FBH1: variants seen among roughly 807,000 people sequenced by gnomAD.
The protein encoded by FBH1 is F-box DNA helicase 1, also known as DNA 3'-5' helicase 1.
A neutral mutation model predicts 115.5 loss-of-function variants in FBH1; 43 were observed. The observed-to-expected ratio is 0.37, with a 90% CI of 0.29 to 0.48. The LOEUF is 0.48. Among genes scored for constraint, FBH1 ranks in the 20% least tolerant of loss-of-function variants. The probability of loss-of-function intolerance (pLI) is 0.99; values close to 1 mark genes in which losing one functional copy is unlikely to be tolerated. For synonymous variants in FBH1, 524 were observed against 507.8 expected (o/e 1.03, Z -0.43); for missense variants, 1,001 against 1,337.3 (o/e 0.75, Z 3.92).
chr10:5,890,437 G>GC (rs1369513442), intron 1 of FBH1, 91 bp downstream of exon 1: 2 of 346,544 alleles, frequency 5.8e-6, no homozygotes, highest in African/African-American at 4.4e-5. Flanking sequence ...GGGGGTCCGG[G>GC]CCCGGGGTGG....
chr10:5,926,969 A>T (rs1255506870), intron 18 of FBH1, among the ~76,000 whole-genome samples: 2 of 152,202 alleles, frequency 1.3e-5, no homozygotes, highest in East Asian at 1.9e-4. Flanking sequence ...GCTTTTCCAG[A>T]TGGGACTCTG....
At chr10:5,902,079 C>T (rs1228787225) in intron 1 of FBH1, among the ~76,000 whole-genome samples, 1 of 152,042 alleles carries the variant, frequency 6.6e-6, no homozygotes, top group African/African-American at 2.4e-5. Flanking sequence ...TAGTGTTTTG[C>T]TAAGGGAAGA....
In FBH1 at chr10:5,903,078, T is replaced by C; in HGVS notation, c.60T>C (p.Ser20=). 6.2e-7 allele frequency: 1 copy of C among 1,613,642 alleles called. No homozygotes were observed. Among genetic ancestry groups the C allele is most frequent in the Non-Finnish European group, 8.5e-7 (1 of 1,179,828 alleles). ...TAIDCQHLAR[S]HLAVTQPFGQ... is the part of the protein sequence containing the mutation. ...TTGACTGCCAGCATTTGGCTCGGAG[T>C]CACTTGGCTGTGACCCAGCCCTTCG... is the stretch of plus-strand genomic sequence containing the variant. Residue 20 remains serine, a synonymous_variant, in exon 2 of 21, where the codon AGT becomes AGC. Transcript: ENST00000362091.
At chr10:5,916,157 T>G in intron 9 of FBH1, 77 bp from the exon 10 acceptor site, 1 of 1,293,596 alleles carries the variant, frequency 7.7e-7, no homozygotes, top group Non-Finnish European at 1.1e-6. Flanking sequence ...CTGGTGACAT[T>G]AGAGAGAATG....
chr10:5,913,299 G>A lies in FBH1; in HGVS notation c.1212-448G>A, dbSNP rs1449021927. Among the ~76,000 whole-genome samples, 2 of 152,232 alleles carry A rather than the reference G, an allele frequency of 1.3e-5. No homozygotes were observed. Among genetic ancestry groups the A allele is most frequent in the African/African-American group, 4.8e-5 (2 of 41,456 alleles). ...AATGTGTTCATGCGTCTAAAGCAAT[G>A]TCATGTCATAAGAGGTAGACAGTGG... On this transcript the variant is annotated intron_variant, in intron 6 of 20. Transcript: ENST00000362091. The surrounding 1 kb of genome is among the most constrained non-coding windows in gnomAD (Gnocchi z 4.4).
At chr10:5,893,821 A>G (rs943875047) in intron 1 of FBH1, among the ~76,000 whole-genome samples, 6 of 152,250 alleles carry the variant, frequency 3.9e-5, no homozygotes, top group African/African-American at 9.6e-5. Context: ...CAAAGCTCTC[A>G]TGGAGTTTAA....
At position 5,895,057 on chromosome 10, in the gene FBH1, C is replaced by T; in HGVS notation, c.1+4711C>T. On this transcript the variant is annotated intron_variant, in intron 1 of 20. Transcript: ENST00000362091. This position sits in a 1 kb window ranked among gnomAD's most constrained non-coding sequence, Gnocchi z 5.0. ...AATTGGGCCATTCCCGTTTCACAGG[C>T]TGCCATTGGACCTGTCAAGTGCCTG... 2 of 1,609,776 alleles carry T rather than the reference C, an allele frequency of 1.2e-6. No individual in the cohort carries two copies. Among genetic ancestry groups the T allele is most frequent in the Non-Finnish European group, 1.7e-6 (2 of 1,177,304 alleles).
chr10:5,937,222 G>T lies in FBH1; in HGVS notation c.3074G>T (p.Arg1025Leu). Reference sequence around the variant, plus strand: ...CCGGAGCAGGTGCGCGCCATGGAGCGCACTGTGGAGAACATCGTACTGCCC... The same window carrying T: ...CCGGAGCAGGTGCGCGCCATGGAGCTCACTGTGGAGAACATCGTACTGCCC... The part of the protein sequence containing the change: ...ASPEQVRAME[R>L]TVENIVLPRH... Residue 1025 changes from arginine (R) to leucine (L), a missense_variant, in exon 21 of 21, where the codon CGC (arginine) becomes CTC (leucine). Transcript: ENST00000362091. 3 of 1,613,704 alleles carry T rather than the reference G, an allele frequency of 1.9e-6. No individual in the cohort carries two copies. The highest frequency in any genetic ancestry group is 2.5e-6 in the Non-Finnish European group (3 of 1,179,840).
At chr10:5,920,726 G>A (rs992167111) in intron 13 of FBH1, among the ~76,000 whole-genome samples, 3 of 152,210 alleles carry the variant, frequency 2.0e-5, no homozygotes, top group African/African-American at 7.2e-5. Flanking sequence ...TACACACCCC[G>A]AGTGTAGGGA....
intron 1 of FBH1, among the ~76,000 whole-genome samples, chr10:5,902,474 C>T (rs543688595): frequency 3.0e-4 from 46 of 152,086 alleles, no homozygotes; most frequent in Non-Finnish European, 5.0e-4. Context: ...CTCAGTATAT[C>T]CACTAGTGAC....
At chr10:5,902,482 G>C (rs1415527295) in intron 1 of FBH1, among the ~76,000 whole-genome samples, 1 of 152,108 alleles carries the variant, frequency 6.6e-6, no homozygotes, top group Non-Finnish European at 1.5e-5. Context: ...ATCCACTAGT[G>C]ACAACTTCTT....
rs575165007 is a variant in FBH1 at position 5,924,648 on chromosome 10, A to T, written c.2596+140A>T. On this transcript the variant is annotated intron_variant, in intron 17 of 20. Transcript: ENST00000362091. This position sits in a 1 kb window ranked among gnomAD's most constrained non-coding sequence, Gnocchi z 6.2. ...AGTGGCGTGATCTTGGCTCACTGCA[A>T]TGCCCACCTTCTGGGTTCAAGCAAT... is the stretch of plus-strand genomic sequence containing the variant. 3.6e-6 allele frequency: 3 copies of T among 825,892 alleles called. No individual in the cohort carries two copies. The highest frequency in any genetic ancestry group is 5.9e-6 in the Non-Finnish European group (3 of 510,004). The allele number at this position is 825,892 out of a possible 1,614,324, so 51.2% of individuals were successfully genotyped here.
Position 5,914,055 on chromosome 10 carries a change from G to C in FBH1, c.1305-123G>C, listed in dbSNP as rs536422732. 1 of 945,070 alleles carries C rather than the reference G, an allele frequency of 1.1e-6. No homozygotes were observed. The highest frequency in any genetic ancestry group is 1.5e-5 in the South Asian group (1 of 66,378). The allele number at this position is 945,070 out of a possible 1,614,324, so 58.5% of individuals were successfully genotyped here. ...TTTAGAACATGTTTATTCTCGTAAGGGGAGGCCTTTTTTTTGGTCAGCTTT... is the reference window on the plus strand; with the variant it reads ...TTTAGAACATGTTTATTCTCGTAAGCGGAGGCCTTTTTTTTGGTCAGCTTT... On this transcript the variant is annotated intron_variant, in intron 7 of 20. Coordinates refer to ENST00000362091, the MANE Select transcript of FBH1 (RefSeq NM_178150.3). The surrounding 1 kb of genome is among the most constrained non-coding windows in gnomAD (Gnocchi z 5.2).
At chr10:5,892,110 C>T (rs949735519) in intron 1 of FBH1, among the ~76,000 whole-genome samples, 1 of 152,296 alleles carries the variant, frequency 6.6e-6, no homozygotes, top group African/African-American at 2.4e-5. Context: ...GGGATCTGAA[C>T]AGTAAGCTAA....
At position 5,914,040 on chromosome 10, in the gene FBH1, G is replaced by A. The variant is rs1041435415; in HGVS notation, c.1305-138G>A. 1 of 857,868 alleles carries A rather than the reference G, an allele frequency of 1.2e-6. No individual in the cohort carries two copies. The highest frequency in any genetic ancestry group is 1.6e-5 in the South Asian group (1 of 62,642). The allele number at this position is 857,868 out of a possible 1,614,324, so 53.1% of individuals were successfully genotyped here. A position where few individuals can be genotyped will look rare whatever the true frequency, so the allele number is the denominator to read the frequency against. On this transcript the variant is annotated intron_variant, in intron 7 of 20. Transcript: ENST00000362091. The surrounding 1 kb of genome is among the most constrained non-coding windows in gnomAD (Gnocchi z 5.2). ...GCATCATAATCTAGCTTTAGAACAT[G>A]TTTATTCTCGTAAGGGGAGGCCTTT...
intron 1 of FBH1, among the ~76,000 whole-genome samples, chr10:5,893,177 G>T (rs776390294): frequency 2.0e-5 from 3 of 152,140 alleles, no homozygotes; most frequent in Non-Finnish European, 4.4e-5. Context: ...GTGGCGGTGT[G>T]CACCTGTAGT....
chr10:5,928,407 C>T (rs935818790), intron 19 of FBH1: 37 of 152,250 alleles, frequency 2.4e-4, no homozygotes, highest in African/African-American at 8.4e-4. Flanking sequence ...GCCTCAGCCT[C>T]CCAAAGTGCT....
rs73616478 is a variant in FBH1 at position 5,925,329 on chromosome 10, T to G, written c.2597-38T>G. The stretch of plus-strand genomic sequence containing the variant: ...TTTTGTCATCTTGTTTCTTTCCCTT[T>G]GAAGCACCATCTAACGTGTGCTGTG... On this transcript the variant is annotated intron_variant, in intron 17 of 20. Transcript: ENST00000362091. The surrounding 1 kb of genome is among the most constrained non-coding windows in gnomAD (Gnocchi z 4.6). 6.2e-7 allele frequency: 1 copy of G among 1,605,164 alleles called. No individual in the cohort carries two copies. Among genetic ancestry groups the G allele is most frequent in the Non-Finnish European group, 8.5e-7 (1 of 1,175,932 alleles).
Position 5,925,263 on chromosome 10 carries a change from A to C in FBH1, c.2597-104A>C. ...TTTCCTACAAAACTGCACTGAGGCA[A>C]GAAATGTTCGAGTTCAGAGTCAAGT... On this transcript the variant is annotated intron_variant, in intron 17 of 20. Coordinates refer to ENST00000362091, the MANE Select transcript of FBH1 (RefSeq NM_178150.3). This position sits in a 1 kb window ranked among gnomAD's most constrained non-coding sequence, Gnocchi z 4.6. 2.8e-6 allele frequency: 4 copies of C among 1,431,858 alleles called. No individual in the cohort carries two copies. Among genetic ancestry groups the C allele is most frequent in the Non-Finnish European group, 3.8e-6 (4 of 1,047,116 alleles). The allele number at this position is 1,431,858 out of a possible 1,614,324, so 88.7% of individuals were successfully genotyped here. A position where few individuals can be genotyped will look rare whatever the true frequency, so the allele number is the denominator to read the frequency against.
Sources: allele counts gnomAD v4.1 joint callset (sites outside exome capture counted in the v4.1 genomes callset), GRCh38; gene constraint gnomAD v4.1.1; non-coding constraint Gnocchi (gnomAD v3.1); transcripts MANE v1.5; gene names NCBI Gene and HGNC (gene_info 2026-07-23, HGNC 2026-07-21).